Variants in FAM81A observed in about 807,000 individuals in gnomAD.
FAM81A encodes protein FAM81A.
In FAM81A, 19 loss-of-function variants were observed where a neutral mutation model predicts 46.7. That is an observed-to-expected ratio of 0.41 (90% confidence interval 0.28 to 0.60). FAM81A has a LOEUF of 0.60. Among genes scored for constraint, FAM81A ranks in the 20% least tolerant of loss-of-function variants. The pLI, the probability that FAM81A is intolerant of heterozygous loss-of-function variation, is 0.34. For synonymous variants in FAM81A, 183 were observed against 152.9 expected, an observed-to-expected ratio of 1.20 and a Z score of -1.45; for missense variants, 377 against 453.5, an observed-to-expected ratio of 0.83 and a Z score of 1.53.
In FAM81A at chr15:59,516,856, A is replaced by G; in HGVS notation, c.982+16A>G. 5 of 1,575,114 alleles carry G rather than the reference A, an allele frequency of 3.2e-6. No individual in the cohort carries two copies. In the Middle Eastern group the frequency reaches 5.1e-4, roughly 159 times the overall value. On this transcript the variant is annotated intron_variant, in intron 8 of 8. Coordinates refer to ENST00000288228, the MANE Select transcript of FAM81A (RefSeq NM_152450.3). ...GTTAATGCTGGTAGGCCAAAACCAG[A>G]ACAGCTCACGTGCTTTATTTTCTGT... is the stretch of plus-strand genomic sequence containing the variant.
chr15:59,411,342 A>G (rs765647462), intron 2 of FAM81A, among the ~76,000 whole-genome samples: 1 of 152,164 alleles, frequency 6.6e-6, no homozygotes, highest in Non-Finnish European at 1.5e-5. Flanking sequence ...ATGAGTATCA[A>G]TCCATAGCAG....
intron 2 of FAM81A, among the ~76,000 whole-genome samples, chr15:59,406,176 G>C (rs1038773809): frequency 1.3e-5 from 2 of 152,110 alleles, no homozygotes; most frequent in African/African-American, 2.4e-5. Flanking sequence ...GAAAAATTCA[G>C]AATGACCTCC....
intron 3 of FAM81A, among the ~76,000 whole-genome samples, chr15:59,479,519 GAAA>G (rs57107735): frequency 0.068 from 4,923 of 72,790 alleles, 140 homozygotes; most frequent in African/African-American, 0.13. Flanking sequence ...TCAAAAATAA[GAAA>G]AAAAAAAAAA....
intron 2 of FAM81A, among the ~76,000 whole-genome samples, chr15:59,419,998 A>G (rs1037216579): frequency 6.6e-6 from 1 of 151,794 alleles, no homozygotes; most frequent in Non-Finnish European, 1.5e-5. Context: ...TCCCCTTCAC[A>G]CTCCCTAGCC....
At chr15:59,442,687 A>C (rs1367531737) in intron 1 of FAM81A, among the ~76,000 whole-genome samples, 1 of 152,094 alleles carries the variant, frequency 6.6e-6, no homozygotes, top group African/African-American at 2.4e-5. Context: ...ATAATTCCCA[A>C]CATACCTTTC....
At chr15:59,484,925 G>C (rs1192628559) in intron 3 of FAM81A, among the ~76,000 whole-genome samples, 1 of 152,128 alleles carries the variant, frequency 6.6e-6, no homozygotes, top group Non-Finnish European at 1.5e-5. Context: ...GGCCTGACAG[G>C]ATTCACCACA....
chr15:59,424,826 C>T (rs945166786), intron 2 of FAM81A, among the ~76,000 whole-genome samples: 1 of 152,206 alleles, frequency 6.6e-6, no homozygotes, highest in African/African-American at 2.4e-5. Flanking sequence ...TACCTCACTA[C>T]TACAATAGCC....
chr15:59,487,188 T>TATATATATATCTTATATGTATA (rs1199462160), intron 3 of FAM81A, among the ~76,000 whole-genome samples: 9 of 146,594 alleles, frequency 6.1e-5, no homozygotes, highest in African/African-American at 2.0e-4. Flanking sequence ...ATATATATAT[T>TATATATATATCTTATATGTATA]TTATATATAT....
At chr15:59,466,545 A>G (rs2141663661) in intron 3 of FAM81A, among the ~76,000 whole-genome samples, 1 of 150,902 alleles carries the variant, frequency 6.6e-6, no homozygotes. Flanking sequence ...CCACTTTTTG[A>G]TGGGGTTGTT....
At chr15:59,417,193 C>T (rs1256047911) in intron 2 of FAM81A, among the ~76,000 whole-genome samples, 2 of 152,020 alleles carry the variant, frequency 1.3e-5, no homozygotes, top group African/African-American at 2.4e-5. Context: ...CAGATGGATG[C>T]GTGCTGAATA....
At chr15:59,453,414 T>TA (rs1376421790) in intron 1 of FAM81A, among the ~76,000 whole-genome samples, 4 of 152,234 alleles carry the variant, frequency 2.6e-5, no homozygotes, top group Admixed American at 2.6e-4. Context: ...GCTTCATGAG[T>TA]ACCGGCCCTT....
At chr15:59,438,412 G>A (rs1410075069) in intron 1 of FAM81A, 130 bp downstream of exon 1, 1 of 152,314 alleles carries the variant, frequency 6.6e-6, no homozygotes, top group Non-Finnish European at 1.5e-5. Context: ...AGCTGCGCGT[G>A]GCCCATGTGA....
In FAM81A at chr15:59,421,713, A is replaced by G. The variant is rs62015021; in HGVS notation, c.-78+19355A>G. On this transcript the variant is annotated intron_variant, in intron 2 of 4. Transcript: ENST00000558348. ...GACAGATTAAACCCTTAAACTATCT[A>G]TCTGTCTGTCTGTCTGTCTATCTAT... Among the ~76,000 whole-genome samples, 282 of 100,554 alleles carry G rather than the reference A, an allele frequency of 2.8e-3. 1 individual carries two copies. The highest frequency in any genetic ancestry group is 0.024 in the East Asian group (62 of 2,558). 66.0% of individuals were successfully genotyped at this position (100,554 alleles called of 152,430 possible). A position where few individuals can be genotyped will look rare whatever the true frequency, so the allele number is the denominator to read the frequency against.
intron 3 of FAM81A, among the ~76,000 whole-genome samples, chr15:59,486,593 A>T (rs573008638): frequency 6.6e-6 from 1 of 152,310 alleles, no homozygotes; most frequent in Admixed American, 6.5e-5. Flanking sequence ...AAAGAAGACC[A>T]CCTCATGGCA....
At chr15:59,488,947 G>A (rs768112353) in intron 3 of FAM81A, among the ~76,000 whole-genome samples, 3 of 151,014 alleles carry the variant, frequency 2.0e-5, no homozygotes, top group East Asian at 1.9e-4. Flanking sequence ...TGGGTTCAGC[G>A]CAAGACCCTG....
intron 1 of FAM81A, among the ~76,000 whole-genome samples, chr15:59,398,671 T>C (rs1177578763): frequency 1.4e-5 from 2 of 146,236 alleles, no homozygotes; most frequent in African/African-American, 5.1e-5. Flanking sequence ...GGCAAGAGAA[T>C]TGCTTGAACC....
chr15:59,483,815 C>G (rs2081884321), intron 3 of FAM81A, among the ~76,000 whole-genome samples: 1 of 152,170 alleles, frequency 6.6e-6, no homozygotes, highest in South Asian at 2.1e-4. Flanking sequence ...AGCAGGATCC[C>G]ATGGTTAGGA....
intron 3 of FAM81A, among the ~76,000 whole-genome samples, chr15:59,476,434 A>G (rs1328794741): frequency 1.3e-5 from 2 of 152,146 alleles, no homozygotes; most frequent in Non-Finnish European, 2.9e-5. Flanking sequence ...CGTAACAATG[A>G]TGTAGAGTAA....
At chr15:59,505,605 A>T (rs550644606) in intron 4 of FAM81A, among the ~76,000 whole-genome samples, 1 of 152,006 alleles carries the variant, frequency 6.6e-6, no homozygotes, top group African/African-American at 2.4e-5. Context: ...GTCTGCCTGG[A>T]AGTGGATGTA....
Sources: allele counts gnomAD v4.1 joint callset (sites outside exome capture counted in the v4.1 genomes callset), GRCh38; gene constraint gnomAD v4.1.1; transcripts MANE v1.5; gene names NCBI Gene and HGNC (gene_info 2026-07-23, HGNC 2026-07-21).